Variants in LRGUK observed in about 807,000 individuals in gnomAD.
LRGUK encodes the protein leucine rich repeats and guanylate kinase domain containing.
Under a neutral mutation model 76.0 loss-of-function variants are expected in LRGUK, and 65 were observed. That is an observed-to-expected ratio of 0.85 (90% CI 0.70 to 1.05). The LOEUF is 1.05. Among genes scored for constraint, LRGUK ranks in the 50% least tolerant of loss-of-function variants. LRGUK has a pLI of 0.00. For synonymous variants in LRGUK, 268 were observed against 265.6 expected (o/e 1.01, Z -0.09); for missense variants, 758 against 732.8 (o/e 1.03, Z -0.40).
intron 18 of LRGUK, among the ~76,000 whole-genome samples, chr7:134,250,429 A>C (rs1051522230): frequency 6.6e-6 from 1 of 152,250 alleles, no homozygotes; most frequent in South Asian, 2.1e-4. Context: ...TTCAACAATG[A>C]GCATTTTTAT....
chr7:134,179,936 T>C (rs1012632050), intron 10 of LRGUK, among the ~76,000 whole-genome samples: 2 of 152,160 alleles, frequency 1.3e-5, no homozygotes, highest in African/African-American at 4.8e-5. Context: ...ACCCCAACCC[T>C]TGGCTTTGGG....
exon 16 of LRGUK, chr7:134,208,789 A>G (rs1315426458): frequency 1.5e-5 from 6 of 399,098 alleles, no homozygotes; most frequent in African/African-American, 4.1e-5. Context: ...AACTGCAAGC[A>G]GATGGCCAGA....
chr7:134,255,252 C>G (rs976918646), intron 18 of LRGUK, among the ~76,000 whole-genome samples: 1 of 151,582 alleles, frequency 6.6e-6, no homozygotes, highest in Non-Finnish European at 1.5e-5. Flanking sequence ...CACACACACA[C>G]ACACACACAC....
At chr7:134,274,982 AT>A in the LRGUK span, among the ~76,000 whole-genome samples, 1 of 151,664 alleles carries the variant, frequency 6.6e-6, no homozygotes, top group African/African-American at 2.4e-5. Flanking sequence ...TTTGTTTTAT[AT>A]TTTTTATTGA....
At chr7:134,264,071 CA>C in exon 20 of LRGUK, 1 of 1,221,284 alleles carries the variant, frequency 8.2e-7, no homozygotes, top group South Asian at 2.3e-5. Context: ...GTTTCTCACT[CA>C]ACCCATTACC....
At chr7:134,189,748 G>A (rs1184240316) in intron 11 of LRGUK, among the ~76,000 whole-genome samples, 1 of 152,146 alleles carries the variant, frequency 6.6e-6, no homozygotes, top group Admixed American at 6.5e-5. Flanking sequence ...ATAGACAGAG[G>A]GTGTCAGGTC....
the LRGUK span, among the ~76,000 whole-genome samples, chr7:134,270,785 T>C: frequency 0.14 from 21,687 of 152,062 alleles, 3,907 homozygotes; most frequent in African/African-American, 0.42. Flanking sequence ...TGTTGGTGAA[T>C]GCTAAATTTG....
chr7:134,227,841 A>G (rs1801800657), intron 16 of LRGUK, among the ~76,000 whole-genome samples: 1 of 152,208 alleles, frequency 6.6e-6, no homozygotes, highest in African/African-American at 2.4e-5. Flanking sequence ...TCTTAGAAAC[A>G]TAACAAGATG....
chr7:134,203,004 A>G (rs1333836674), intron 15 of LRGUK, among the ~76,000 whole-genome samples: 1 of 152,156 alleles, frequency 6.6e-6, no homozygotes, highest in East Asian at 1.9e-4. Context: ...GGAGATAGAG[A>G]TCATCCTGGC....
chr7:134,172,924 C>T (rs1016581071), intron 7 of LRGUK, among the ~76,000 whole-genome samples: 1 of 151,880 alleles, frequency 6.6e-6, no homozygotes, highest in African/African-American at 2.4e-5. Flanking sequence ...GAGGTTGAGG[C>T]TGCAGTGAGC....
chr7:134,183,578 TAATC>T (rs1167467080), intron 10 of LRGUK, among the ~76,000 whole-genome samples, 152 bp from the exon 11 acceptor site: 1 of 152,250 alleles, frequency 6.6e-6, no homozygotes, highest in African/African-American at 2.4e-5. Context: ...TTTTGACATA[TAATC>T]AATCTGTTTC....
At chr7:134,270,838 T>G in the LRGUK span, among the ~76,000 whole-genome samples, 125 of 152,200 alleles carry the variant, frequency 8.2e-4, no homozygotes, top group African/African-American at 2.9e-3. Flanking sequence ...CTAAAAACAT[T>G]CTTGTGTAGG....
chr7:134,243,384 A>G (rs564927851), intron 16 of LRGUK, among the ~76,000 whole-genome samples: 3 of 152,336 alleles, frequency 2.0e-5, no homozygotes, highest in East Asian at 3.9e-4. Context: ...ATGTGCAAAA[A>G]TCACAAGCAT....
chr7:134,228,850 AG>A (rs1225255181), intron 16 of LRGUK, among the ~76,000 whole-genome samples: 1 of 152,170 alleles, frequency 6.6e-6, no homozygotes, highest in African/African-American at 2.4e-5. Context: ...AAAGAAGATT[AG>A]GAAATGTATT....
chr7:134,178,941 A>AAAAAAAACCAAAAAAT (rs1233825045), intron 10 of LRGUK, among the ~76,000 whole-genome samples: 6 of 149,924 alleles, frequency 4.0e-5, no homozygotes, highest in Non-Finnish European at 7.4e-5. Flanking sequence ...AAAAAAAAAA[A>AAAAAAAACCAAAAAAT]AAAAAAACCA....
At chr7:134,213,378 G>A (rs1256655210), downstream of LRGUK, among the ~76,000 whole-genome samples, 1 of 152,104 alleles carries the variant, frequency 6.6e-6, no homozygotes, top group African/African-American at 2.4e-5. Flanking sequence ...GTGGGGGCAG[G>A]AATTGTCAAA....
intron 1 of LRGUK, among the ~76,000 whole-genome samples, chr7:134,136,145 T>C (rs111442827): frequency 0.011 from 1,740 of 152,302 alleles, 30 homozygotes; most frequent in African/African-American, 0.04. Context: ...TGTGTTCTCA[T>C]GTTGATGTCA....
At chr7:134,262,485 C>T (rs1158873558) in intron 19 of LRGUK, among the ~76,000 whole-genome samples, 1 of 152,160 alleles carries the variant, frequency 6.6e-6, no homozygotes, top group Non-Finnish European at 1.5e-5. Context: ...GATGAATTAT[C>T]TAAGGGTGGA....
chr7:134,267,741 C>G (rs1255405582), downstream of LRGUK, among the ~76,000 whole-genome samples: 1 of 152,036 alleles, frequency 6.6e-6, no homozygotes, highest in East Asian at 1.9e-4. Flanking sequence ...GTAGATTACC[C>G]AGTCTACGGT....
Sources: gnomAD v4.1 joint callset for allele counts (sites outside exome capture counted in the v4.1 genomes callset) on GRCh38, gnomAD v4.1.1 for gene constraint, MANE v1.5 for transcripts, NCBI Gene and HGNC (gene_info 2026-07-23, HGNC 2026-07-21) for gene names.